The following CSMD2 variants were observed in gnomAD, a reference collection of about 807,000 sequenced individuals.
The protein encoded by CSMD2 is CUB and sushi domain-containing protein 2.
In CSMD2, 130 loss-of-function variants were observed where a neutral mutation model predicts 398.5. The observed-to-expected ratio is 0.33, with a 90% CI of 0.28 to 0.38. The LOEUF (loss-of-function observed/expected upper bound fraction) is 0.38, where lower values mean the gene tolerates loss of function less well. Among genes scored for constraint, CSMD2 ranks in the 10% least tolerant of loss-of-function variants. The probability of loss-of-function intolerance (pLI) is 1.00; values close to 1 mark genes in which losing one functional copy is unlikely to be tolerated. For missense variants in CSMD2, 3,829 were observed against 4,764.9 expected (o/e 0.80, Z 5.78); for synonymous variants, 1,828 against 1,908.5 (o/e 0.96, Z 1.10).
intron 3 of CSMD2, among the ~76,000 whole-genome samples, chr1:34,023,166 T>G (rs1649153550): frequency 6.6e-6 from 1 of 152,064 alleles, no homozygotes; most frequent in Non-Finnish European, 1.5e-5. Context: ...TTAACCCAAT[T>G]AAAGGGTTTC....
intron 5 of CSMD2, among the ~76,000 whole-genome samples, chr1:33,892,563 C>T (rs1264341291): frequency 6.6e-6 from 1 of 152,182 alleles, no homozygotes; most frequent in Non-Finnish European, 1.5e-5. Flanking sequence ...TAAGTGAGAA[C>T]ATACGGCATT....
chr1:33,952,976 A>G (rs1324196639), intron 3 of CSMD2, among the ~76,000 whole-genome samples: 1 of 152,182 alleles, frequency 6.6e-6, no homozygotes. Context: ...GGCATTGGGC[A>G]CCAGCAAATG....
At chr1:33,691,465 A>G (rs1354269209) in intron 25 of CSMD2, among the ~76,000 whole-genome samples, 2 of 152,242 alleles carry the variant, frequency 1.3e-5, no homozygotes, top group African/African-American at 2.4e-5. Context: ...CATATTAAAT[A>G]CTTAATACAT....
chr1:33,659,378 G>A (rs903306354), intron 26 of CSMD2, among the ~76,000 whole-genome samples: 17 of 152,310 alleles, frequency 1.1e-4, no homozygotes, highest in Admixed American at 2.6e-4. Context: ...AGCTGACAGC[G>A]GGGCCCGGTC....
At chr1:34,061,273 G>GGCTCTGTGCCAGGCCCTTGTGTGCCAC (rs1654472808) in intron 2 of CSMD2, among the ~76,000 whole-genome samples, 1 of 152,202 alleles carries the variant, frequency 6.6e-6, no homozygotes, top group African/African-American at 2.4e-5. Context: ...CAGTGTGCCA[G>GGCTCTGTGCCAGGCCCTTGTGTGCCAC]GCTCTGTGCC....
intron 10 of CSMD2, among the ~76,000 whole-genome samples, chr1:33,793,765 G>A (rs1426180006): frequency 6.6e-6 from 1 of 152,120 alleles, no homozygotes; most frequent in Non-Finnish European, 1.5e-5. Flanking sequence ...GGACGGAGAA[G>A]AGGGAGGGTC....
At chr1:34,077,075 G>A (rs943222604) in intron 2 of CSMD2, among the ~76,000 whole-genome samples, 3 of 150,814 alleles carry the variant, frequency 2.0e-5, no homozygotes, top group African/African-American at 4.9e-5. Context: ...GGTTAAAGGG[G>A]GCTAGGATTG....
At chr1:33,908,453 T>G (rs1190976183) in intron 5 of CSMD2, among the ~76,000 whole-genome samples, 2 of 152,262 alleles carry the variant, frequency 1.3e-5, no homozygotes, top group Non-Finnish European at 2.9e-5. Context: ...CATTTTGTTC[T>G]CTGGTGCCCT....
At chr1:33,607,996 A>T (rs896330078) in intron 41 of CSMD2, among the ~76,000 whole-genome samples, 1 of 152,130 alleles carries the variant, frequency 6.6e-6, no homozygotes, top group Non-Finnish European at 1.5e-5. Flanking sequence ...GAGGCTGCAA[A>T]CCTCAGTGGG....
intron 36 of CSMD2, among the ~76,000 whole-genome samples, chr1:33,622,487 A>G (rs1641836075): frequency 6.6e-6 from 1 of 152,162 alleles, no homozygotes; most frequent in South Asian, 2.1e-4. Context: ...TGCTTCCTGT[A>G]AGATGAGCAG....
Position 34,086,593 on chromosome 1 carries a change from C to A in CSMD2, c.404+2384G>T, listed in dbSNP as rs577587743. Among the ~76,000 whole-genome samples the A allele has an allele frequency of 7.9e-5, 12 of 152,288 alleles. No individual in the cohort carries two copies. In the South Asian group the frequency reaches 1.0e-3, roughly 13 times the overall value. ...CATCTCCTTTCTCCCATAGCCCACA[C>A]CCAATGCAACAACAAATCCTGTCCA... On this transcript the variant is annotated intron_variant, in intron 2 of 70. Coordinates refer to ENST00000373381, the MANE Select transcript of CSMD2 (RefSeq NM_001281956.2).
chr1:33,709,797 T>C (rs1261906758), intron 21 of CSMD2, among the ~76,000 whole-genome samples: 1 of 152,058 alleles, frequency 6.6e-6, no homozygotes, highest in East Asian at 1.9e-4. Flanking sequence ...GCCAGCCCCA[T>C]AATGTAGGCA....
chr1:34,040,207 T>TA (rs5773448), intron 2 of CSMD2, among the ~76,000 whole-genome samples: 78,389 of 148,638 alleles, frequency 0.53, 20,582 homozygotes, highest in African/African-American at 0.57. Flanking sequence ...AAAATTAAAT[T>TA]AAAAAAAAAA....
At chr1:34,023,415 A>C (rs2148120823) in intron 3 of CSMD2, among the ~76,000 whole-genome samples, 1 of 152,332 alleles carries the variant, frequency 6.6e-6, no homozygotes. Context: ...GTCTTCTCAG[A>C]GTAGCCACTT....
intron 52 of CSMD2, among the ~76,000 whole-genome samples, chr1:33,568,692 T>A (rs1659299238): frequency 6.6e-6 from 1 of 152,224 alleles, no homozygotes; most frequent in Non-Finnish European, 1.5e-5. Flanking sequence ...CTGGCATTTC[T>A]ACCAGCTTCC....
intron 5 of CSMD2, among the ~76,000 whole-genome samples, chr1:33,909,207 C>T (rs1643305784): frequency 6.6e-6 from 1 of 152,150 alleles, no homozygotes; most frequent in Non-Finnish European, 1.5e-5. Flanking sequence ...AGGTACCAGG[C>T]CTATGCTACC....
At chr1:33,554,679 T>C (rs1657794257) in intron 55 of CSMD2, among the ~76,000 whole-genome samples, 1 of 152,186 alleles carries the variant, frequency 6.6e-6, no homozygotes, top group African/African-American at 2.4e-5. Flanking sequence ...CCAAATCTGC[T>C]CTGCTTGTGC....
intron 3 of CSMD2, among the ~76,000 whole-genome samples, chr1:33,973,000 G>C (rs984666228): frequency 2.6e-5 from 4 of 152,158 alleles, no homozygotes; most frequent in Non-Finnish European, 4.4e-5. Context: ...GTTCAGAGAG[G>C]GTAAGCCATC....
chr1:33,543,597 T>C (rs890850148), intron 57 of CSMD2, among the ~76,000 whole-genome samples: 2 of 152,258 alleles, frequency 1.3e-5, no homozygotes, highest in Admixed American at 6.5e-5. Context: ...GCCTGCCTAA[T>C]GTGGCATTAT....
Sources: gnomAD v4.1 joint callset for allele counts (sites outside exome capture counted in the v4.1 genomes callset) on GRCh38, gnomAD v4.1.1 for gene constraint, MANE v1.5 for transcripts, NCBI Gene and HGNC (gene_info 2026-07-23, HGNC 2026-07-21) for gene names.